The following CADM2 variants were observed in gnomAD, a reference collection of about 807,000 sequenced individuals.
The protein encoded by CADM2 is immunoglobulin superfamily member 4D.
Under a neutral mutation model 49.8 loss-of-function variants are expected in CADM2, and 12 were observed. The observed-to-expected ratio is 0.24, with a 90% CI of 0.15 to 0.39. CADM2 has a LOEUF of 0.39. Ranked by LOEUF, CADM2 falls within the 10% of genes least tolerant of loss-of-function variation. CADM2 has a pLI of 1.00. For synonymous variants in CADM2, 214 were observed against 175.4 expected (o/e 1.22, Z -1.74); for missense variants, 378 against 492.3 (o/e 0.77, Z 2.20).
chr3:84,971,751 G>A (rs1265761185), intron 1 of CADM2, among the ~76,000 whole-genome samples: 5 of 152,044 alleles, frequency 3.3e-5, no homozygotes, highest in Admixed American at 3.3e-4. Flanking sequence ...TGGACAGACT[G>A]GGGAGATTAA....
intron 1 of CADM2, among the ~76,000 whole-genome samples, chr3:85,351,838 TAG>T (rs1420830467): frequency 1.3e-5 from 2 of 152,120 alleles, no homozygotes; most frequent in Non-Finnish European, 1.5e-5. Context: ...AAGAACTGCA[TAG>T]AGAGAGTTTT....
At chr3:85,837,178 C>T (rs1005287191) in intron 3 of CADM2, among the ~76,000 whole-genome samples, 3 of 151,498 alleles carry the variant, frequency 2.0e-5, no homozygotes, top group Non-Finnish European at 4.4e-5. Context: ...ATCAGTATGG[C>T]TAACTACTTC....
At chr3:85,791,576 AGAAAG>A (rs1315290296) in intron 2 of CADM2, among the ~76,000 whole-genome samples, 1 of 150,618 alleles carries the variant, frequency 6.6e-6, no homozygotes, top group Admixed American at 6.6e-5. Flanking sequence ...GAGAGAGAAA[AGAAAG>A]AGAGACAGAG....
intron 1 of CADM2, among the ~76,000 whole-genome samples, chr3:85,028,100 A>T (rs2107315522): frequency 6.6e-6 from 1 of 152,328 alleles, no homozygotes; most frequent in South Asian, 2.1e-4. Flanking sequence ...TCAGTTCCTT[A>T]TGTGGGTTTC....
intron 1 of CADM2, among the ~76,000 whole-genome samples, chr3:85,569,010 G>T (rs1252321281): frequency 1.3e-5 from 2 of 152,014 alleles, no homozygotes; most frequent in Non-Finnish European, 2.9e-5. Context: ...CCACCCCATG[G>T]TAACATCTTG....
intron 1 of CADM2, among the ~76,000 whole-genome samples, chr3:85,337,040 T>TAA (rs1199842744): frequency 7.2e-6 from 1 of 138,598 alleles, no homozygotes; most frequent in African/African-American, 2.8e-5. Context: ...AATATATATA[T>TAA]ATAAATATAT....
At chr3:85,151,228 G>T (rs2039913068) in intron 1 of CADM2, among the ~76,000 whole-genome samples, 1 of 151,908 alleles carries the variant, frequency 6.6e-6, no homozygotes, top group African/African-American at 2.4e-5. Flanking sequence ...CTCATAACTT[G>T]TTCAGTTTTG....
intron 2 of CADM2, among the ~76,000 whole-genome samples, chr3:85,781,000 G>A (rs1217056326): frequency 5.3e-5 from 8 of 152,124 alleles, no homozygotes; most frequent in African/African-American, 1.9e-4. Context: ...TGTCACCCCA[G>A]CTGACGGCCA....
rs544104381 is a variant in CADM2, at chr3:85,940,312, C to T, written c.791+4455C>T. Among the ~76,000 whole-genome samples the T allele has an allele frequency of 3.7e-4, 56 of 151,916 alleles. No homozygotes were observed. The Middle Eastern group carries it at 0.014, about 37-fold the overall frequency. ...CGAGATCACGCCATTGAACTCCAGA[C>T]TGGGCAACAAGAGCAAAACTCCATC... On this transcript the variant is annotated intron_variant, in intron 7 of 9. Transcript: ENST00000383699.
intron 1 of CADM2, among the ~76,000 whole-genome samples, chr3:85,608,755 T>C (rs984350207): frequency 2.6e-5 from 4 of 152,194 alleles, no homozygotes; most frequent in Non-Finnish European, 5.9e-5. Flanking sequence ...ATTTCTCTTG[T>C]CCTGTTGTTT....
intron 1 of CADM2, among the ~76,000 whole-genome samples, chr3:85,171,246 G>A: frequency 6.6e-6 from 1 of 152,136 alleles, no homozygotes; most frequent in Non-Finnish European, 1.5e-5. Context: ...TTACACTCTA[G>A]ATTTCTGGAC....
intron 1 of CADM2, among the ~76,000 whole-genome samples, chr3:85,442,110 A>G (rs570283462): frequency 2.6e-4 from 40 of 152,164 alleles, no homozygotes; most frequent in African/African-American, 9.4e-4. Context: ...TGTCCACACA[A>G]TATTATCAGA....
At chr3:85,424,124 T>C (rs575300501) in intron 1 of CADM2, among the ~76,000 whole-genome samples, 6 of 152,260 alleles carry the variant, frequency 3.9e-5, no homozygotes, top group Admixed American at 2.0e-4. Flanking sequence ...GAGAGATTTT[T>C]CTGAGAAATA....
intron 1 of CADM2, among the ~76,000 whole-genome samples, chr3:85,488,704 G>C (rs2039536088): frequency 1.3e-5 from 2 of 151,914 alleles, no homozygotes; most frequent in Non-Finnish European, 2.9e-5. Context: ...GCTAATTTTT[G>C]TATTTTTAGT....
chr3:85,102,138 G>A (rs555553681), intron 1 of CADM2, among the ~76,000 whole-genome samples: 8 of 152,180 alleles, frequency 5.3e-5, no homozygotes, highest in African/African-American at 1.9e-4. Flanking sequence ...GCTTAATCTG[G>A]CTCAGAGCTC....
At chr3:85,524,052 G>A (rs79519103) in intron 1 of CADM2, among the ~76,000 whole-genome samples, 12,200 of 152,088 alleles carry the variant, frequency 0.08, 950 homozygotes, top group African/African-American at 0.18. Flanking sequence ...ATCAAACACT[G>A]TGAAGATCAT....
chr3:85,916,110 G>GT (rs1351524022), intron 6 of CADM2, among the ~76,000 whole-genome samples: 3 of 152,022 alleles, frequency 2.0e-5, no homozygotes. Context: ...TCAGAGCAAT[G>GT]TTTTTAAAAA....
At chr3:85,121,108 G>T (rs996246868) in intron 1 of CADM2, among the ~76,000 whole-genome samples, 2 of 152,174 alleles carry the variant, frequency 1.3e-5, no homozygotes, top group Non-Finnish European at 2.9e-5. Context: ...AAGTAAATGA[G>T]AGAGCAGAAG....
At chr3:85,910,375 A>G (rs1329080590) in intron 5 of CADM2, among the ~76,000 whole-genome samples, 1 of 152,194 alleles carries the variant, frequency 6.6e-6, no homozygotes, top group African/African-American at 2.4e-5. Context: ...ACATATTTGT[A>G]TAAATCTATG....
Sources: gnomAD v4.1 joint callset for allele counts (sites outside exome capture counted in the v4.1 genomes callset) on GRCh38, gnomAD v4.1.1 for gene constraint, MANE v1.5 for transcripts, NCBI Gene and HGNC (gene_info 2026-07-23, HGNC 2026-07-21) for gene names.